Variants in PACS2 observed in about 807,000 individuals in gnomAD.
PACS2 encodes PACS1-like protein.
PACS2 carries 36 observed loss-of-function variants against 113.0 expected under a neutral mutation model. The observed-to-expected ratio is 0.32, with a 90% CI of 0.24 to 0.42. The LOEUF (loss-of-function observed/expected upper bound fraction) is 0.42, where lower values mean the gene tolerates loss of function less well. PACS2 is among the 10% of genes least tolerant of loss of function. The pLI, the probability that PACS2 is intolerant of heterozygous loss-of-function variation, is 1.00. For synonymous variants in PACS2, 589 were observed against 536.1 expected, an observed-to-expected ratio of 1.10 and a Z score of -1.36; for missense variants, 1,015 against 1,239.5, an observed-to-expected ratio of 0.82 and a Z score of 2.72.
intron 1 of PACS2, chr14:105,301,128 G>C (rs1432657240): frequency 3.3e-5 from 5 of 152,638 alleles, no homozygotes; most frequent in Non-Finnish European, 5.8e-5. Context: ...GCCGGGGACG[G>C]GACCCAAGGC....
chr14:105,351,120 A>C (rs2060159413), intron 2 of PACS2, among the ~76,000 whole-genome samples: 1 of 151,636 alleles, frequency 6.6e-6, no homozygotes, highest in Non-Finnish European at 1.5e-5. Flanking sequence ...GGCACCTCTC[A>C]TCCACTGTGT....
chr14:105,321,662 T>C (rs1421046661), intron 1 of PACS2, among the ~76,000 whole-genome samples: 1 of 151,978 alleles, frequency 6.6e-6, no homozygotes, highest in Non-Finnish European at 1.5e-5. Flanking sequence ...TAACGCCCCG[T>C]CACTTAATAT....
intron 12 of PACS2, 21 bp from the exon 13 acceptor site, chr14:105,381,893 G>C (rs1410914731): frequency 6.5e-7 from 1 of 1,547,076 alleles, no homozygotes; most frequent in Non-Finnish European, 8.7e-7. Flanking sequence ...CAGCCACTTA[G>C]CCTGTCCTGG....
intron 2 of PACS2, among the ~76,000 whole-genome samples, chr14:105,349,111 C>T (rs1363164225): frequency 6.6e-6 from 1 of 151,638 alleles, no homozygotes; most frequent in African/African-American, 2.4e-5. Flanking sequence ...CCATGCCTGG[C>T]CCAGGCCCCG....
chr14:105,361,605 C>T (rs1555406476), intron 4 of PACS2, among the ~76,000 whole-genome samples: 3 of 152,140 alleles, frequency 2.0e-5, no homozygotes, highest in African/African-American at 7.2e-5. Flanking sequence ...CCAGTGCATT[C>T]CAGCCTGGGT....
chr14:105,308,250 G>A (rs2058248429), intron 1 of PACS2, among the ~76,000 whole-genome samples: 1 of 152,234 alleles, frequency 6.6e-6, no homozygotes, highest in South Asian at 2.1e-4. Context: ...GGGAGGCTGA[G>A]GTGAGAGGAT....
chr14:105,313,394 C>T (rs2058406731), upstream of PACS2, among the ~76,000 whole-genome samples: 1 of 152,240 alleles, frequency 6.6e-6, no homozygotes, highest in African/African-American at 2.4e-5. Flanking sequence ...GCCCGCCGAG[C>T]AGCTGGCCAA....
intron 1 of PACS2, among the ~76,000 whole-genome samples, chr14:105,303,136 C>G (rs1275917804): frequency 1.3e-5 from 2 of 152,198 alleles, no homozygotes; most frequent in African/African-American, 4.8e-5. Flanking sequence ...ACCATGTTGG[C>G]TAGGCTGGTC....
rs782538239 is a variant in PACS2 at position 105,376,746 on chromosome 14, C to A, written c.802-22C>A. ...AATGTGGGCTGCTGCAGGGAACTCA[C>A]GCGTGCCTGGCACCCGTGCAGGTCC... On this transcript the variant is annotated intron_variant, in intron 8 of 24. Coordinates refer to ENST00000447393, the MANE Select transcript of PACS2 (RefSeq NM_001100913.3). This position sits in a 1 kb window ranked among gnomAD's most constrained non-coding sequence, Gnocchi z 4.7. 1.9e-6 allele frequency: 3 copies of A among 1,609,374 alleles called. No individual in the cohort carries two copies. The highest frequency in any genetic ancestry group is 2.2e-5 in the East Asian group (1 of 44,734).
At chr14:105,320,219 GTCCA>G (rs2058836699) in intron 1 of PACS2, among the ~76,000 whole-genome samples, 1 of 151,902 alleles carries the variant, frequency 6.6e-6, no homozygotes, top group African/African-American at 2.4e-5. Flanking sequence ...CTTGTTATCC[GTCCA>G]CCTCAGCCTC....
At chr14:105,309,526 T>C (rs936112650), upstream of PACS2, among the ~76,000 whole-genome samples, 1 of 152,232 alleles carries the variant, frequency 6.6e-6, no homozygotes, top group Non-Finnish European at 1.5e-5. This position sits in a 1 kb window ranked among gnomAD's most constrained non-coding sequence, Gnocchi z 4.0. Context: ...TGTGTCCCTG[T>C]TGACATTTCC....
chr14:105,379,206 G>A (rs1555411273), intron 9 of PACS2, among the ~76,000 whole-genome samples: 1 of 152,230 alleles, frequency 6.6e-6, no homozygotes, highest in Non-Finnish European at 1.5e-5. Context: ...GGCCTGGATA[G>A]TCTGGATAGG....
chr14:105,389,868 G>A (rs183010102), intron 19 of PACS2, 93 bp from the exon 20 acceptor site: 11 of 1,171,122 alleles, frequency 9.4e-6, no homozygotes, highest in East Asian at 2.3e-5. Flanking sequence ...CGGCCCCAGG[G>A]CTGCGCCAGG....
At chr14:105,352,929 A>AGCATTTGTC (rs2060262812) in intron 3 of PACS2, among the ~76,000 whole-genome samples, 1 of 103,476 alleles carries the variant, frequency 9.7e-6, no homozygotes, top group Non-Finnish European at 1.9e-5. Context: ...CCCTGGGGAG[A>AGCATTTGTC]TGGGCCCCCC....
chr14:105,380,232 G>A, intron 11 of PACS2, 78 bp downstream of exon 11: 2 of 1,276,754 alleles, frequency 1.6e-6, no homozygotes, highest in Non-Finnish European at 2.2e-6. Flanking sequence ...TGACCTGGAG[G>A]GGCGGGGCCC....
intron 15 of PACS2, 102 bp from the exon 16 acceptor site, chr14:105,383,257 A>G: frequency 7.3e-7 from 1 of 1,369,518 alleles, no homozygotes; most frequent in Non-Finnish European, 1.0e-6. Flanking sequence ...ATGAGCGGCC[A>G]CAGGCACGGA....
upstream of PACS2, among the ~76,000 whole-genome samples, chr14:105,310,481 G>C (rs2058322510): frequency 7.6e-6 from 1 of 132,094 alleles, no homozygotes; most frequent in South Asian, 2.3e-4. Context: ...AGTGAGCTGA[G>C]ATGGCACCAC....
chr14:105,383,271 C>A (rs781977309), intron 15 of PACS2, 88 bp from the exon 16 acceptor site: 331 of 1,479,200 alleles, frequency 2.2e-4, no homozygotes, highest in Non-Finnish European at 3.0e-4. Context: ...GCACGGAGCC[C>A]CCTGGGCTCA....
In PACS2 at chr14:105,394,713, A is replaced by C. The variant is rs1392892085; in HGVS notation, c.*41A>C. ...GGCCCACCTCCTGCCCCATGCTGTG[A>C]GGGGCCCAGCTGCATTTCTGTTAAC... is the stretch of plus-strand genomic sequence containing the variant. On this transcript the variant is annotated 3_prime_UTR_variant, in exon 25 of 25. Transcript: ENST00000447393. 8.1e-7 allele frequency: 1 copy of C among 1,232,278 alleles called. No homozygotes were observed. Among genetic ancestry groups the C allele is most frequent in the Admixed American group, 1.7e-5 (1 of 59,452 alleles). 76.3% of individuals were successfully genotyped at this position (1,232,278 alleles called of 1,614,324 possible).
Sources: allele counts gnomAD v4.1 joint callset (sites outside exome capture counted in the v4.1 genomes callset), GRCh38; gene constraint gnomAD v4.1.1; non-coding constraint Gnocchi (gnomAD v3.1); transcripts MANE v1.5; gene names NCBI Gene and HGNC (gene_info 2026-07-23, HGNC 2026-07-21).